SLC22A4: variants seen among roughly 807,000 people sequenced by gnomAD.
SLC22A4 encodes solute carrier family 22 member 4.
SLC22A4 carries 39 observed loss-of-function variants against 56.6 expected under a neutral mutation model. The observed-to-expected ratio is 0.69, with a 90% CI of 0.53 to 0.90. The LOEUF (loss-of-function observed/expected upper bound fraction) is 0.90, where lower values mean the gene tolerates loss of function less well. Ranked by LOEUF, SLC22A4 falls within the 40% of genes least tolerant of loss-of-function variation. The pLI is 0.00. For synonymous variants in SLC22A4, 241 were observed against 281.4 expected, an observed-to-expected ratio of 0.86 and a Z score of 1.44; for missense variants, 594 against 696.5, an observed-to-expected ratio of 0.85 and a Z score of 1.66.
intron 1 of SLC22A4, chr5:132,295,244 C>A (rs1749754795): frequency 1.4e-6 from 1 of 714,642 alleles, no homozygotes; most frequent in Admixed American, 2.0e-5. Flanking sequence ...TTGTCACCAA[C>A]TGTCTTTTCA....
In SLC22A4 at chr5:132,322,263, G is replaced by A. The variant is rs758587614; in HGVS notation, c.732G>A (p.Met244Ile). 6.8e-6 allele frequency: 11 copies of A among 1,613,782 alleles called. No homozygotes were observed. In the South Asian group the frequency reaches 1.2e-4, roughly 18 times the overall value. ...GVCTFFAVGYMLLPLFAYFIR... is the reference protein window; with the variant it reads ...GVCTFFAVGYILLPLFAYFIR... ...GCACATTTTTTGCAGTTGGCTATAT[G>A]CTGCTGCCACTGTTTGCTTACTTCA... The change falls in exon 4 of 10, where the codon ATG (methionine) becomes ATA (isoleucine). Residue 244 changes from methionine (M) to isoleucine (I), a missense_variant. Coordinates refer to ENST00000200652, the MANE Select transcript of SLC22A4 (RefSeq NM_003059.3).
At chr5:132,300,431 A>C (rs1749883956) in intron 1 of SLC22A4, among the ~76,000 whole-genome samples, 1 of 152,216 alleles carries the variant, frequency 6.6e-6, no homozygotes, top group East Asian at 1.9e-4. Context: ...TGACTGAAAC[A>C]ATTATTACTG....
intron 4 of SLC22A4, among the ~76,000 whole-genome samples, chr5:132,324,172 T>C (rs1476430609): frequency 6.6e-6 from 1 of 151,768 alleles, no homozygotes. Context: ...CCAGCCCAGA[T>C]AGAATGAGAT....
Position 132,334,702 on chromosome 5 carries a change from T to A in SLC22A4, c.1047-16T>A, listed in dbSNP as rs776719803. On this transcript the variant is annotated splice_polypyrimidine_tract_variant and intron_variant, in intron 6 of 9. Coordinates refer to ENST00000200652, the MANE Select transcript of SLC22A4 (RefSeq NM_003059.3). ...ATTCACACCATCCCTTTGTCATTTT[T>A]ACCTTCTTCTTTCAGGATGCTGACC... is the stretch of plus-strand genomic sequence containing the variant. The A allele has an allele frequency of 3.8e-6, 6 of 1,583,930 alleles. No homozygotes were observed. Among genetic ancestry groups the A allele is most frequent in the African/African-American group, 1.3e-5 (1 of 74,482 alleles).
chr5:132,313,829 A>G, intron 3 of SLC22A4, 61 bp downstream of exon 3: 1 of 1,545,034 alleles, frequency 6.5e-7, no homozygotes, highest in South Asian at 1.1e-5. Context: ...GCCCAGAAAG[A>G]GGAAATCATT....
In SLC22A4 at chr5:132,334,513, G is replaced by A. The variant is rs372153111; in HGVS notation, c.1047-205G>A. Among the ~76,000 whole-genome samples, 23 of 152,194 alleles carry A rather than the reference G, an allele frequency of 1.5e-4. 1 individual carries two copies. Among genetic ancestry groups the A allele is most frequent in the Admixed American group, 3.3e-4 (5 of 15,276 alleles). ...TCAATATAGTAGCCACTAGCTACAC[G>A]TGGCTATTGAGCACTTGAAGTGTGG... On this transcript the variant is annotated intron_variant, in intron 6 of 9. Coordinates refer to ENST00000200652, the MANE Select transcript of SLC22A4 (RefSeq NM_003059.3).
In SLC22A4 at chr5:132,320,463, A is replaced by T. The variant is rs1750499073; in HGVS notation, c.653-1721A>T. On this transcript the variant is annotated intron_variant, in intron 3 of 9. Coordinates refer to ENST00000200652, the MANE Select transcript of SLC22A4 (RefSeq NM_003059.3). ...ATTAATGAGGTCAGAAAAGACCTGGAAATCATACTCATGATCCTCAAAGAA... is the reference window on the plus strand; with the variant it reads ...ATTAATGAGGTCAGAAAAGACCTGGTAATCATACTCATGATCCTCAAAGAA... Among the ~76,000 whole-genome samples, 5 of 152,238 alleles carry T rather than the reference A, an allele frequency of 3.3e-5. No homozygotes were observed. The South Asian group carries it at 1.0e-3, about 32-fold the overall frequency.
intron 8 of SLC22A4, among the ~76,000 whole-genome samples, chr5:132,339,702 T>C (rs1228115000): frequency 6.6e-6 from 1 of 152,154 alleles, no homozygotes; most frequent in East Asian, 1.9e-4. Flanking sequence ...GATGGTCCAG[T>C]GGTCAGACAC....
Position 132,334,851 on chromosome 5 carries a change from A to ACC in SLC22A4, c.1182_1183dup (p.Leu395ProfsTer8), listed in dbSNP as rs1750972360. ...CATTACAGCCTGGCTGCTATTGCGA[A>ACC]CCCTGCCCAGGCGTTATATCATAGC... On this transcript the variant is annotated frameshift_variant, in exon 7 of 10. Coordinates refer to ENST00000200652, the MANE Select transcript of SLC22A4 (RefSeq NM_003059.3). LOFTEE classifies it high-confidence loss of function. The ACC allele has an allele frequency of 6.2e-7, 1 of 1,614,016 alleles. No homozygotes were observed. The highest frequency in any genetic ancestry group is 8.5e-7 in the Non-Finnish European group (1 of 1,179,912).
chr5:132,314,688 G>A (rs1356828001), intron 3 of SLC22A4, among the ~76,000 whole-genome samples: 1 of 152,212 alleles, frequency 6.6e-6, no homozygotes, highest in Non-Finnish European at 1.5e-5. Context: ...ATCTGGTTAG[G>A]TGACTCTGAT....
chr5:132,337,077 C>T (rs1373479879), intron 8 of SLC22A4, among the ~76,000 whole-genome samples: 6 of 151,532 alleles, frequency 4.0e-5, no homozygotes, highest in African/African-American at 7.3e-5. Flanking sequence ...TGCTCCTACA[C>T]CCTTTGTGAA....
At chr5:132,315,653 G>A (rs1430310631) in intron 3 of SLC22A4, among the ~76,000 whole-genome samples, 1 of 152,228 alleles carries the variant, frequency 6.6e-6, no homozygotes, top group African/African-American at 2.4e-5. Context: ...GGGAAAGTAA[G>A]GCCATGGAAG....
intron 4 of SLC22A4, chr5:132,324,408 A>T (rs920208135): frequency 7.0e-6 from 3 of 430,570 alleles, no homozygotes; most frequent in Non-Finnish European, 1.4e-5. Flanking sequence ...GGTCCATCCC[A>T]CAGGGAGCCT....
Position 132,296,613 on chromosome 5 carries a change from G to A in SLC22A4, c.393+1604G>A, listed in dbSNP as rs532541651. Among the ~76,000 whole-genome samples, 3 of 152,352 alleles carry A rather than the reference G, an allele frequency of 2.0e-5. No homozygotes were observed. The East Asian group carries it at 5.8e-4, about 29-fold the overall frequency. On this transcript the variant is annotated intron_variant, in intron 1 of 9. Transcript: ENST00000200652. ...GCACCATACCTACCCTGGGCCCTAA[G>A]GTGGCCATGCTTCTCTGGATTTGCT...
At chr5:132,320,411 T>C (rs769277907) in intron 3 of SLC22A4, among the ~76,000 whole-genome samples, 3 of 152,222 alleles carry the variant, frequency 2.0e-5, no homozygotes, top group Non-Finnish European at 2.9e-5. Flanking sequence ...CCAAGGGGTT[T>C]AGAAACCAGT....
Position 132,335,987 on chromosome 5 carries a change from CTTTG to C in SLC22A4, c.1435_1438del (p.Val479ThrfsTer17), listed in dbSNP as rs1751016328. On this transcript the variant is annotated frameshift_variant, in exon 8 of 10. Coordinates refer to ENST00000200652, the MANE Select transcript of SLC22A4 (RefSeq NM_003059.3). LOFTEE classifies it high-confidence loss of function. ...GAGTGGGCAGCATCATTGCCCCCTA[CTTTG>C]TTTACCTCGGTGAGCTGCATCTTGT... 2 of 1,613,902 alleles carry C rather than the reference CTTTG, an allele frequency of 1.2e-6. No homozygotes were observed. Among genetic ancestry groups the C allele is most frequent in the South Asian group, 1.1e-5 (1 of 91,080 alleles).
chr5:132,322,298 G>A lies in SLC22A4; in HGVS notation c.767G>A (p.Trp256Ter). The A allele has an allele frequency of 6.2e-7, 1 of 1,614,110 alleles. No homozygotes were observed. Among genetic ancestry groups the A allele is most frequent in the Non-Finnish European group, 8.5e-7 (1 of 1,179,998 alleles). Residue 256 changes from tryptophan to a stop codon, truncating the protein, a stop_gained, in exon 4 of 10, where the codon TGG (tryptophan) becomes TAG (stop). Coordinates refer to ENST00000200652, the MANE Select transcript of SLC22A4 (RefSeq NM_003059.3). LOFTEE classifies it high-confidence loss of function. Reference sequence around the variant, plus strand: ...CTGTTTGCTTACTTCATCAGAGACTGGCGGATGCTGCTGCTGGCGCTGACG... The same window carrying A: ...CTGTTTGCTTACTTCATCAGAGACTAGCGGATGCTGCTGCTGGCGCTGACG... ...LPLFAYFIRD[W>*]RMLLLALTVP...
chr5:132,307,909 G>T (rs1255649604), intron 1 of SLC22A4, among the ~76,000 whole-genome samples: 2 of 152,182 alleles, frequency 1.3e-5, no homozygotes, highest in East Asian at 3.8e-4. Context: ...TGGAGAGTTA[G>T]TTCAAGGCTG....
rs1177619859 is a variant in SLC22A4, at chr5:132,295,146, G to C, written c.393+137G>C. 7 of 1,028,078 alleles carry C rather than the reference G, an allele frequency of 6.8e-6. No homozygotes were observed. The South Asian group carries it at 6.9e-5, about 10-fold the overall frequency. The allele number at this position is 1,028,078 out of a possible 1,614,324, so 63.7% of individuals were successfully genotyped here. A position where few individuals can be genotyped will look rare whatever the true frequency, so the allele number is the denominator to read the frequency against. On this transcript the variant is annotated intron_variant, in intron 1 of 9. Transcript: ENST00000200652. ...ACCTGCTGTTCATACTTCCAGCAGC[G>C]GGTGTGCACCCCAAGAAAGAATAGG...
Sources: allele counts gnomAD v4.1 joint callset (sites outside exome capture counted in the v4.1 genomes callset), GRCh38; gene constraint gnomAD v4.1.1; transcripts MANE v1.5; gene names NCBI Gene and HGNC (gene_info 2026-07-23, HGNC 2026-07-21).